Variants in NDFIP2 observed in about 807,000 individuals in gnomAD.
The protein encoded by NDFIP2 is NEDD4 family-interacting protein 2.
NDFIP2 carries 19 observed loss-of-function variants against 36.0 expected under a neutral mutation model. The ratio of observed to expected loss-of-function variants is 0.53; its 90% CI spans 0.37 to 0.77. NDFIP2 has a LOEUF of 0.77. NDFIP2 is among the 30% of genes least tolerant of loss of function. The pLI is 0.00. For synonymous variants in NDFIP2, 181 were observed against 167.7 expected (o/e 1.08, Z -0.61); for missense variants, 446 against 435.8 (o/e 1.02, Z -0.21).
intron 1 of NDFIP2, among the ~76,000 whole-genome samples, chr13:79,482,868 C>A (rs924386132): frequency 6.6e-6 from 1 of 152,130 alleles, no homozygotes; most frequent in African/African-American, 2.4e-5. Flanking sequence ...GTATGGAAAG[C>A]GTTTTTCAAG....
chr13:79,524,909 C>T (rs1209971873), intron 2 of NDFIP2, among the ~76,000 whole-genome samples: 1 of 152,170 alleles, frequency 6.6e-6, no homozygotes, highest in Non-Finnish European at 1.5e-5. Flanking sequence ...CTCCTTTGTA[C>T]TTTGATAAAT....
rs555206510 is a variant in NDFIP2, at chr13:79,502,250, A to T, written c.322-18560A>T. On this transcript the variant is annotated intron_variant, in intron 1 of 7. Coordinates refer to ENST00000218652, the MANE Select transcript of NDFIP2 (RefSeq NM_019080.3). ...ATCATGTTCTTTTTTTAGTTTATTCATTTAGCATCTAGCTTTTCTTCTAAA... is the reference window on the plus strand; with the variant it reads ...ATCATGTTCTTTTTTTAGTTTATTCTTTTAGCATCTAGCTTTTCTTCTAAA... Among the ~76,000 whole-genome samples, 3 of 152,296 alleles carry T rather than the reference A, an allele frequency of 2.0e-5. No individual in the cohort carries two copies. The East Asian group carries it at 5.8e-4, about 29-fold the overall frequency.
intron 1 of NDFIP2, among the ~76,000 whole-genome samples, chr13:79,488,198 A>G (rs560109136): frequency 8.5e-5 from 13 of 152,186 alleles, no homozygotes; most frequent in Non-Finnish European, 1.5e-4. Flanking sequence ...TAGTACACCA[A>G]GTTGTATACC....
intron 1 of NDFIP2, among the ~76,000 whole-genome samples, chr13:79,505,495 T>TGATG (rs1435416038): frequency 3.3e-5 from 5 of 151,748 alleles, no homozygotes; most frequent in African/African-American, 1.2e-4. Context: ...TGACCAGATA[T>TGATG]GATGGTGCCT....
Position 79,481,209 on chromosome 13 carries a change from A to C in NDFIP2, c.6A>C (p.Ala2=). ...CCCTCCCACTGGCGGCGCGGATGGC[A>C]CGCCGGCGGAGCCAGCGAGTCTGCG... M[A]RRRSQRVCAS... The change falls in exon 1 of 8, where the codon GCA becomes GCC. Residue 2 remains alanine (A), a synonymous_variant. Transcript: ENST00000218652. 2 of 1,505,214 alleles carry C rather than the reference A, an allele frequency of 1.3e-6. No homozygotes were observed. The highest frequency in any genetic ancestry group is 1.8e-6 in the Non-Finnish European group (2 of 1,134,860). The allele number at this position is 1,505,214 out of a possible 1,614,324, so 93.2% of individuals were successfully genotyped here.
Position 79,481,440 on chromosome 13 carries a change from C to T in NDFIP2, c.237C>T (p.His79=). ...SSTGVAVGAE[H]GEDSLSRKPD... The stretch of plus-strand genomic sequence containing the variant: ...CGGGGGTGGCCGTGGGAGCTGAGCA[C>T]GGAGAAGACTCCCTCTCTCGGAAGC... Residue 79 remains histidine (H), a synonymous_variant, in exon 1 of 8, where the codon CAC becomes CAT. Coordinates refer to ENST00000218652, the MANE Select transcript of NDFIP2 (RefSeq NM_019080.3). 6.4e-7 allele frequency: 1 copy of T among 1,561,854 alleles called. No homozygotes were observed. The highest frequency in any genetic ancestry group is 1.4e-5 in the African/African-American group (1 of 73,918).
At chr13:79,548,299 C>T (rs755665077) in intron 5 of NDFIP2, 29 bp from the exon 6 acceptor site, 59 of 1,416,536 alleles carry the variant, frequency 4.2e-5, no homozygotes, top group Middle Eastern at 1.8e-4. Flanking sequence ...TGTATGAATT[C>T]GGTTAATATA....
intron 4 of NDFIP2, among the ~76,000 whole-genome samples, chr13:79,542,608 G>T (rs1361938676): frequency 6.6e-6 from 1 of 150,952 alleles, no homozygotes; most frequent in East Asian, 1.9e-4. Context: ...TCTTTATTCA[G>T]TTTATTCTTT....
At chr13:79,494,030 A>G (rs1873344424) in intron 1 of NDFIP2, among the ~76,000 whole-genome samples, 1 of 152,068 alleles carries the variant, frequency 6.6e-6, no homozygotes. Context: ...CCTTTTAACT[A>G]TTTCAGCTGC....
At chr13:79,484,158 A>G (rs2140727158) in intron 1 of NDFIP2, among the ~76,000 whole-genome samples, 1 of 151,940 alleles carries the variant, frequency 6.6e-6, no homozygotes, top group African/African-American at 2.4e-5. Flanking sequence ...TGGGACTACA[A>G]GTGTGGTGCA....
At chr13:79,490,910 T>C (rs1873201206) in intron 1 of NDFIP2, among the ~76,000 whole-genome samples, 1 of 152,192 alleles carries the variant, frequency 6.6e-6, no homozygotes, top group African/African-American at 2.4e-5. Flanking sequence ...ATACTCCCTG[T>C]GAGAGTGTCA....
At chr13:79,518,122 A>G (rs1041813401) in intron 1 of NDFIP2, among the ~76,000 whole-genome samples, 1 of 152,192 alleles carries the variant, frequency 6.6e-6, no homozygotes, top group African/African-American at 2.4e-5. Flanking sequence ...TCTCCTGGGT[A>G]CCATGTAGTA....
At chr13:79,492,252 CTTTTTTT>C (rs780442571) in intron 1 of NDFIP2, among the ~76,000 whole-genome samples, 106 of 133,964 alleles carry the variant, frequency 7.9e-4, no homozygotes, top group Non-Finnish European at 1.9e-4. Flanking sequence ...GTAGTGACAC[CTTTTTTT>C]TTTTTTTTTT....
At chr13:79,493,420 AT>A (rs1156797124) in intron 1 of NDFIP2, among the ~76,000 whole-genome samples, 1 of 152,152 alleles carries the variant, frequency 6.6e-6, no homozygotes, top group Non-Finnish European at 1.5e-5. Context: ...GAGTTCTGGT[AT>A]TTTTGAATAA....
At chr13:79,530,092 G>C (rs1265061404) in intron 2 of NDFIP2, among the ~76,000 whole-genome samples, 1 of 152,136 alleles carries the variant, frequency 6.6e-6, no homozygotes, top group African/African-American at 2.4e-5. Flanking sequence ...CCTCAGTGTT[G>C]ATGGCTACTG....
chr13:79,539,222 G>A (rs1875366042), intron 3 of NDFIP2, among the ~76,000 whole-genome samples: 1 of 152,170 alleles, frequency 6.6e-6, no homozygotes, highest in Non-Finnish European at 1.5e-5. Context: ...ATGTGTGTGT[G>A]TGTATACATA....
At chr13:79,515,859 T>G (rs1278551678) in intron 1 of NDFIP2, among the ~76,000 whole-genome samples, 4 of 47,476 alleles carry the variant, frequency 8.4e-5, no homozygotes, top group South Asian at 6.9e-4. Context: ...TTCTAATCTG[T>G]TTTTTTTTTC....
At chr13:79,508,986 T>G (rs1044346109) in intron 1 of NDFIP2, among the ~76,000 whole-genome samples, 1 of 152,214 alleles carries the variant, frequency 6.6e-6, no homozygotes, top group African/African-American at 2.4e-5. Context: ...TTCTTCTGTG[T>G]GCTGTTGTTT....
At chr13:79,500,488 A>T (rs918446967) in intron 1 of NDFIP2, among the ~76,000 whole-genome samples, 1 of 152,040 alleles carries the variant, frequency 6.6e-6, no homozygotes, top group African/African-American at 2.4e-5. Flanking sequence ...GAATTCTCAA[A>T]CTACAACCCT....
Sources: allele counts gnomAD v4.1 joint callset (sites outside exome capture counted in the v4.1 genomes callset), GRCh38; gene constraint gnomAD v4.1.1; transcripts MANE v1.5; gene names NCBI Gene and HGNC (gene_info 2026-07-23, HGNC 2026-07-21).